GRHL1: variants seen among roughly 807,000 people sequenced by gnomAD.
The protein encoded by GRHL1 is grainyhead-like protein 1 homolog.
A neutral mutation model predicts 75.7 loss-of-function variants in GRHL1; 38 were observed. The observed-to-expected ratio is 0.50, with a 90% confidence interval of 0.39 to 0.66. The LOEUF (loss-of-function observed/expected upper bound fraction) is 0.66. Among genes scored for constraint, GRHL1 ranks in the 30% least tolerant of loss-of-function variants. GRHL1 has a pLI of 0.00. For synonymous variants in GRHL1, 266 were observed against 279.4 expected (o/e 0.95, Z 0.48); for missense variants, 589 against 767.5 (o/e 0.77, Z 2.75).
intron 1 of GRHL1, among the ~76,000 whole-genome samples, chr2:9,953,635 G>C (rs1457937651): frequency 1.3e-5 from 2 of 151,796 alleles, no homozygotes; most frequent in Non-Finnish European, 2.9e-5. Context: ...ATACATTGTT[G>C]GATTTTTTTC....
At chr2:9,983,601 G>A (rs893852081) in intron 8 of GRHL1, among the ~76,000 whole-genome samples, 1 of 152,096 alleles carries the variant, frequency 6.6e-6, no homozygotes, top group Non-Finnish European at 1.5e-5. Flanking sequence ...TTCTTGTAAA[G>A]GGAATATCAC....
chr2:9,988,233 C>A (rs1054720153), intron 9 of GRHL1, among the ~76,000 whole-genome samples: 1 of 152,174 alleles, frequency 6.6e-6, no homozygotes. Flanking sequence ...ATTTGCTAGG[C>A]GGATCTGGAG....
At chr2:9,963,065 ATG>A (rs1667342316) in intron 5 of GRHL1, among the ~76,000 whole-genome samples, 1 of 152,162 alleles carries the variant, frequency 6.6e-6, no homozygotes, top group Non-Finnish European at 1.5e-5. Flanking sequence ...TGTTTTTTAC[ATG>A]TGTTATATTT....
intron 8 of GRHL1, among the ~76,000 whole-genome samples, chr2:9,975,777 T>C (rs1667923988): frequency 6.6e-6 from 1 of 151,844 alleles, no homozygotes. Context: ...TCTCAGCTAC[T>C]TGGGAGACTG....
At chr2:9,978,987 C>T (rs1174321717) in intron 8 of GRHL1, among the ~76,000 whole-genome samples, 2 of 148,480 alleles carry the variant, frequency 1.3e-5, no homozygotes, top group Non-Finnish European at 3.0e-5. Context: ...GCAAAACTCC[C>T]TCTCAAAAAA....
At chr2:9,973,431 A>G (rs1048776245) in intron 8 of GRHL1, among the ~76,000 whole-genome samples, 13 of 152,244 alleles carry the variant, frequency 8.5e-5, no homozygotes, top group Non-Finnish European at 1.5e-4. Context: ...AAGGAATGCT[A>G]TGATGATTAA....
rs554855457 is a variant in GRHL1, at chr2:9,997,053, C to T, written c.1677+652C>T. Among the ~76,000 whole-genome samples, 4 of 152,250 alleles carry T rather than the reference C, an allele frequency of 2.6e-5. No homozygotes were observed. In the East Asian group the frequency reaches 5.8e-4, roughly 22 times the overall value. On this transcript the variant is annotated intron_variant, in intron 14 of 15. Transcript: ENST00000324907. ...ATTTACCAGCCTGTCTCCTAGAGACCGTAGAGATCTTTAAGCTCAAAGTGT... is the reference window on the plus strand; with the variant it reads ...ATTTACCAGCCTGTCTCCTAGAGACTGTAGAGATCTTTAAGCTCAAAGTGT...
intron 9 of GRHL1, among the ~76,000 whole-genome samples, chr2:9,989,322 A>G (rs1396637181): frequency 6.6e-6 from 1 of 152,214 alleles, no homozygotes; most frequent in Non-Finnish European, 1.5e-5. Context: ...TAACTGGAGC[A>G]CTATGTAAAG....
At chr2:9,979,729 CATT>C (rs1187764487) in intron 8 of GRHL1, among the ~76,000 whole-genome samples, 1 of 152,056 alleles carries the variant, frequency 6.6e-6, no homozygotes, top group African/African-American at 2.4e-5. Flanking sequence ...GTATTACTGT[CATT>C]GTGGTAATTT....
At chr2:9,999,958 A>C (rs1012450073) in intron 15 of GRHL1, among the ~76,000 whole-genome samples, 3 of 152,228 alleles carry the variant, frequency 2.0e-5, no homozygotes, top group Admixed American at 6.5e-5. Flanking sequence ...GTGACTTCAC[A>C]TCATGTAAGT....
chr2:9,995,599 A>AAC (rs1553306083), intron 12 of GRHL1, among the ~76,000 whole-genome samples: 56 of 151,000 alleles, frequency 3.7e-4, no homozygotes, highest in Middle Eastern at 3.4e-3. Flanking sequence ...AAAAAAAAAA[A>AAC]AACCAAAGCG....
intron 2 of GRHL1, among the ~76,000 whole-genome samples, chr2:9,955,970 G>T (rs546879152): frequency 6.4e-4 from 97 of 152,304 alleles, no homozygotes; most frequent in Non-Finnish European, 9.6e-4. Context: ...TTGTCTCATT[G>T]TCACTCTGTG....
In GRHL1 at chr2:9,968,500, G is replaced by A. The variant is rs751504180; in HGVS notation, c.1110+3119G>A. ...CTGGACAGGTTAAAGGCCATGAGGC[G>A]TTCACATTTCATTGTGAAATAATCA... On this transcript the variant is annotated intron_variant, in intron 8 of 15. Transcript: ENST00000324907. The surrounding 1 kb of genome is among the most constrained non-coding windows in gnomAD (Gnocchi z 4.7). Among the ~76,000 whole-genome samples, 1 of 152,192 alleles carries A rather than the reference G, an allele frequency of 6.6e-6. No homozygotes were observed. Among genetic ancestry groups the A allele is most frequent in the Non-Finnish European group, 1.5e-5 (1 of 68,034 alleles).
rs564689389 is a variant in GRHL1 at position 9,998,699 on chromosome 2, T to C, written c.1678-266T>C. ...ATATATACATATATATGTACACACA[T>C]ATATATACATATATATGTACACACA... On this transcript the variant is annotated intron_variant, in intron 14 of 15. Coordinates refer to ENST00000324907, the MANE Select transcript of GRHL1 (RefSeq NM_198182.3). Among the ~76,000 whole-genome samples, 74 of 58,228 alleles carry C rather than the reference T, an allele frequency of 1.3e-3. 19 individuals carry two copies. The East Asian group carries it at 0.019, about 15-fold the overall frequency. The allele number at this position is 58,228 out of a possible 152,430, so 38.2% of individuals were successfully genotyped here. A position where few individuals can be genotyped will look rare whatever the true frequency, so the allele number is the denominator to read the frequency against.
chr2:9,989,272 C>A (rs1193527892), intron 9 of GRHL1, among the ~76,000 whole-genome samples: 1 of 152,090 alleles, frequency 6.6e-6, no homozygotes, highest in Non-Finnish European at 1.5e-5. Context: ...TTGCTCTCAG[C>A]AAATTTATTT....
chr2:9,979,233 CTT>C (rs113844108), intron 8 of GRHL1, among the ~76,000 whole-genome samples: 163 of 134,780 alleles, frequency 1.2e-3, no homozygotes, highest in Admixed American at 1.7e-3. Flanking sequence ...AATGTTCAAT[CTT>C]TTTTTTTTTT....
In GRHL1 at chr2:9,964,366, G is replaced by A. The variant is rs186645617; in HGVS notation, c.1015+20G>A. The A allele has an allele frequency of 5.6e-4, 728 of 1,289,634 alleles. No individual in the cohort carries two copies. Among genetic ancestry groups the A allele is most frequent in the Non-Finnish European group, 6.3e-4 (565 of 897,420 alleles). 79.9% of individuals were successfully genotyped at this position (1,289,634 alleles called of 1,614,324 possible). A position where few individuals can be genotyped will look rare whatever the true frequency, so the allele number is the denominator to read the frequency against. On this transcript the variant is annotated intron_variant, in intron 7 of 15. Coordinates refer to ENST00000324907, the MANE Select transcript of GRHL1 (RefSeq NM_198182.3). Reference sequence around the variant, plus strand: ...ACATAGGTAAGCAGCTCAAGAGCCCGCTTTTATTCCCAGAGGTGCAGCCAT... The same window carrying A: ...ACATAGGTAAGCAGCTCAAGAGCCCACTTTTATTCCCAGAGGTGCAGCCAT...
rs1490847400 is a variant in GRHL1 at position 9,990,769 on chromosome 2, CCCAGGTGAATG to C, written c.1321+25_1321+35del. The C allele has an allele frequency of 6.3e-7, 1 of 1,597,080 alleles. No individual in the cohort carries two copies. Among genetic ancestry groups the C allele is most frequent in the East Asian group, 2.2e-5 (1 of 44,612 alleles). Reference sequence around the variant, plus strand: ...AAAGGCAAGTGTCCTGACCCCAGCTCCCAGGTGAATGCCTGTAAGTAGAAATGTTCCCGGCA... The same window carrying C: ...AAAGGCAAGTGTCCTGACCCCAGCTCCCTGTAAGTAGAAATGTTCCCGGCA... On this transcript the variant is annotated intron_variant, in intron 10 of 15. Transcript: ENST00000324907. This position sits in a 1 kb window ranked among gnomAD's most constrained non-coding sequence, Gnocchi z 4.2.
intron 14 of GRHL1, among the ~76,000 whole-genome samples, chr2:9,998,484 A>ATATATACGTG (rs1668995235): frequency 9.9e-4 from 3 of 3,026 alleles, no homozygotes; most frequent in East Asian, 0.015. Flanking sequence ...ATATATACAT[A>ATATATACGTG]TATATACGTA....
Sources: allele counts gnomAD v4.1 joint callset (sites outside exome capture counted in the v4.1 genomes callset), GRCh38; gene constraint gnomAD v4.1.1; non-coding constraint Gnocchi (gnomAD v3.1); transcripts MANE v1.5; gene names NCBI Gene and HGNC (gene_info 2026-07-23, HGNC 2026-07-21).